Variants in USP32 observed in about 807,000 individuals in gnomAD.
USP32 encodes ubiquitin specific peptidase 32.
Under a neutral mutation model 204.8 loss-of-function variants are expected in USP32, and 59 were observed. That is an observed-to-expected ratio of 0.29 (90% CI 0.23 to 0.36). USP32 has a LOEUF of 0.36. Among genes scored for constraint, USP32 ranks in the 10% least tolerant of loss-of-function variants. The probability of loss-of-function intolerance (pLI) is 1.00; values close to 1 mark genes in which losing one functional copy is unlikely to be tolerated. For synonymous variants in USP32, 517 were observed against 678.4 expected (o/e 0.76, Z 3.70); for missense variants, 1,160 against 1,946.4 (o/e 0.60, Z 7.60).
chr17:60,179,551 A>C, intron 33 of USP32, 123 bp from the exon 34 acceptor site: 1 of 1,282,400 alleles, frequency 7.8e-7, no homozygotes, highest in Non-Finnish European at 1.1e-6. Context: ...TAAGCTCACT[A>C]GTTTGGCTGT....
At chr17:60,279,046 C>A (rs1263470646) in intron 5 of USP32, among the ~76,000 whole-genome samples, 5 of 152,136 alleles carry the variant, frequency 3.3e-5, no homozygotes, top group Admixed American at 6.6e-5. Flanking sequence ...GAGGGAAGAA[C>A]TGTACTAACT....
intron 1 of USP32, among the ~76,000 whole-genome samples, chr17:60,417,473 G>C (rs1028344032): frequency 1.5e-5 from 2 of 136,294 alleles, no homozygotes; most frequent in African/African-American, 5.3e-5. Flanking sequence ...TTTTTTTTGT[G>C]ACAGAGTCTC....
At position 60,183,231 on chromosome 17, in the gene USP32, C is replaced by T; in HGVS notation, c.4057G>A (p.Glu1353Lys). Residue 1353 changes from glutamate (E) to lysine (K), a missense_variant, in exon 31 of 34, where the codon GAA (glutamate) becomes AAA (lysine). This residue lies in a region of USP32 where 244 missense variants were observed against 342.3 expected (regional missense o/e 0.71). Transcript: ENST00000300896. ...KKVDAQSSAG[E>K]EDVLLSKSPS... Reference sequence around the variant, plus strand: ...CTTTTGCTCAGGAGCACGTCCTCTTCCCCAGCCGAACTCTGCGCATCCACT... The same window carrying T: ...CTTTTGCTCAGGAGCACGTCCTCTTTCCCAGCCGAACTCTGCGCATCCACT... The T allele has an allele frequency of 1.2e-6, 2 of 1,613,994 alleles. No homozygotes were observed. The highest frequency in any genetic ancestry group is 1.7e-6 in the Non-Finnish European group (2 of 1,179,866).
At chr17:60,249,722 T>A in intron 11 of USP32, 2 of 701,040 alleles carry the variant, frequency 2.9e-6, no homozygotes, top group Non-Finnish European at 2.6e-6. Context: ...GCTTCTCAAT[T>A]TCTTGTATAT....
chr17:60,414,872 A>AT (rs2090048335), intron 1 of USP32, among the ~76,000 whole-genome samples: 1 of 142,000 alleles, frequency 7.0e-6, no homozygotes. Context: ...TTTTTTTTAG[A>AT]TGGAGTCTTG....
chr17:60,184,807 C>T (rs2084206843), intron 30 of USP32, among the ~76,000 whole-genome samples: 2 of 110,082 alleles, frequency 1.8e-5, no homozygotes, highest in Non-Finnish European at 3.3e-5. Flanking sequence ...GAGACCCTGT[C>T]TCAAAAAAAA....
At chr17:60,348,692 C>T (rs986250965) in intron 1 of USP32, among the ~76,000 whole-genome samples, 5 of 151,880 alleles carry the variant, frequency 3.3e-5, no homozygotes, top group African/African-American at 9.7e-5. Context: ...CACTTGAGCC[C>T]GGGAAGTCAA....
chr17:60,270,045 AAGAG>A (rs1167971718), intron 6 of USP32, among the ~76,000 whole-genome samples: 1 of 152,234 alleles, frequency 6.6e-6, no homozygotes, highest in Non-Finnish European at 1.5e-5. Flanking sequence ...TATGCAACAT[AAGAG>A]AAAGAAATTC....
intron 16 of USP32, 35 bp from the exon 17 acceptor site, chr17:60,214,809 A>G (rs772108561): frequency 6.2e-7 from 1 of 1,613,878 alleles, no homozygotes; most frequent in East Asian, 2.2e-5. Context: ...GAAAAAAGGC[A>G]GATGTGAAAA....
At chr17:60,255,626 T>G (rs1338625258) in intron 9 of USP32, among the ~76,000 whole-genome samples, 1 of 152,240 alleles carries the variant, frequency 6.6e-6, no homozygotes, top group Non-Finnish European at 1.5e-5. Context: ...AATTTCTTCC[T>G]CTTTACTTTC....
At chr17:60,246,110 T>C (rs534788440) in intron 11 of USP32, among the ~76,000 whole-genome samples, 3 of 152,084 alleles carry the variant, frequency 2.0e-5, no homozygotes, top group Admixed American at 1.3e-4. Context: ...TATTAAACAC[T>C]AGAAGTCATT....
chr17:60,249,568 A>G, intron 11 of USP32: 1 of 553,240 alleles, frequency 1.8e-6, no homozygotes, highest in South Asian at 2.5e-5. Context: ...TTGGACAGGC[A>G]TTTATTCCTG....
intron 26 of USP32, among the ~76,000 whole-genome samples, chr17:60,205,089 G>A (rs538305032): frequency 2.0e-5 from 3 of 151,976 alleles, no homozygotes; most frequent in Non-Finnish European, 4.4e-5. Flanking sequence ...CACTGCACCC[G>A]GCCAGGAGAC....
intron 2 of USP32, among the ~76,000 whole-genome samples, chr17:60,307,996 G>C (rs2087766873): frequency 6.6e-6 from 1 of 152,180 alleles, no homozygotes; most frequent in Non-Finnish European, 1.5e-5. Flanking sequence ...GCGGAGTTAG[G>C]GTGGGGCAGT....
At chr17:60,350,640 T>C (rs1313840418) in intron 1 of USP32, among the ~76,000 whole-genome samples, 1 of 152,160 alleles carries the variant, frequency 6.6e-6, no homozygotes, top group Admixed American at 6.5e-5. Context: ...ATCTTCGTAT[T>C]AGAAAGAAAA....
At chr17:60,422,405 C>T (rs2090131894) in exon 1 of USP32, 1 of 1,432,922 alleles carries the variant, frequency 7.0e-7, no homozygotes, top group African/African-American at 1.4e-5. Context: ...TGCAGCCACC[C>T]CTAAGAATGA....
At chr17:60,409,246 G>A (rs2143067674) in intron 1 of USP32, among the ~76,000 whole-genome samples, 1 of 152,338 alleles carries the variant, frequency 6.6e-6, no homozygotes, top group East Asian at 1.9e-4. Flanking sequence ...TGCTAGAGGG[G>A]CTGAGGCAGG....
chr17:60,210,173 G>C (rs1340420137), intron 21 of USP32, among the ~76,000 whole-genome samples: 1 of 151,956 alleles, frequency 6.6e-6, no homozygotes, highest in East Asian at 1.9e-4. Context: ...AGCTGTTATA[G>C]TTAATAATTT....
intron 11 of USP32, among the ~76,000 whole-genome samples, chr17:60,251,468 A>C (rs371442410): frequency 1.3e-5 from 2 of 152,234 alleles, no homozygotes; most frequent in African/African-American, 4.8e-5. Context: ...AACCCAAGCC[A>C]GAAGAAACTA....
Sources: gnomAD v4.1 joint callset for allele counts (sites outside exome capture counted in the v4.1 genomes callset) on GRCh38, gnomAD v4.1.1 for gene constraint, gnomAD v4.1.1 regional missense constraint, MANE v1.5 for transcripts, NCBI Gene and HGNC (gene_info 2026-07-23, HGNC 2026-07-21) for gene names.